UGT1A10: variants seen among roughly 807,000 people sequenced by gnomAD.
The protein encoded by UGT1A10 is UDP glucuronosyltransferase family 1 member A10.
In UGT1A10, 49 loss-of-function variants were observed where a neutral mutation model predicts 45.8. The ratio of observed to expected loss-of-function variants is 1.07; its 90% CI spans 0.85 to 1.36. The LOEUF (loss-of-function observed/expected upper bound fraction) is 1.36. Ranked by LOEUF, UGT1A10 falls within the 40% of genes most tolerant of loss-of-function variation. The pLI is 0.00. For missense variants in UGT1A10, 745 were observed against 668.6 expected, an observed-to-expected ratio of 1.11 and a Z score of -1.26; for synonymous variants, 284 against 249.7, an observed-to-expected ratio of 1.14 and a Z score of -1.29.
rs890288877 is a variant in UGT1A10, at chr2:233,747,512, C to T, written c.856-19522C>T. ...TTGTGCTGGGCCACACTCAACTGTA[C>T]TTTGAAACAGAACATTTTCTGAAGA... On this transcript the variant is annotated intron_variant, in intron 1 of 4. Transcript: ENST00000344644. The T allele has an allele frequency of 5.6e-6, 9 of 1,607,598 alleles. No homozygotes were observed. In the South Asian group the frequency reaches 8.8e-5, roughly 16 times the overall value.
chr2:233,706,700 A>G (rs934221119), intron 1 of UGT1A10, among the ~76,000 whole-genome samples: 1 of 152,156 alleles, frequency 6.6e-6, no homozygotes, highest in African/African-American at 2.4e-5. Flanking sequence ...TTGTCACTGA[A>G]AAGTCATGGA....
chr2:233,750,239 C>T (rs1187783492), intron 1 of UGT1A10, among the ~76,000 whole-genome samples: 2 of 151,854 alleles, frequency 1.3e-5, no homozygotes, highest in African/African-American at 2.4e-5. Context: ...TTATTGGGAA[C>T]TGGAACAAAG....
intron 1 of UGT1A10, among the ~76,000 whole-genome samples, chr2:233,725,221 A>G: frequency 1.1e-5 from 1 of 87,460 alleles, no homozygotes; most frequent in African/African-American, 8.3e-5. Context: ...GAGGCAGAGG[A>G]GGCAGAGGCA....
chr2:233,725,038 C>G lies in UGT1A10; in HGVS notation c.856-41996C>G, dbSNP rs1391626503. On this transcript the variant is annotated intron_variant, in intron 1 of 4. Coordinates refer to ENST00000344644, the MANE Select transcript of UGT1A10 (RefSeq NM_019075.4). ...CAGCAAAACCCGGTCTCCACCAAAA[C>G]CAGTCAGGCGTGGCGGCGCGCGCCT... Among the ~76,000 whole-genome samples, 35 of 148,320 alleles carry G rather than the reference C, an allele frequency of 2.4e-4. 2 individuals carry two copies. Among genetic ancestry groups the G allele is most frequent in the Non-Finnish European group, 4.3e-4 (29 of 67,320 alleles).
At chr2:233,718,697 C>G in intron 1 of UGT1A10, 1 of 1,595,942 alleles carries the variant, frequency 6.3e-7, no homozygotes, top group Non-Finnish European at 8.5e-7. Flanking sequence ...GAGGAGGGCA[C>G]TTTGTCTTCC....
At chr2:233,694,066 G>T (rs969432855) in intron 1 of UGT1A10, among the ~76,000 whole-genome samples, 2 of 152,190 alleles carry the variant, frequency 1.3e-5, no homozygotes, top group Non-Finnish European at 2.9e-5. Flanking sequence ...TGAAGACAGG[G>T]CTCATGCTTG....
intron 1 of UGT1A10, chr2:233,692,747 GACTTGT>G (rs1369866976): frequency 9.1e-7 from 1 of 1,095,760 alleles, no homozygotes; most frequent in Non-Finnish European, 1.2e-6. Context: ...GGGAGAAGCA[GACTTGT>G]GGAGCTGAAG....
chr2:233,689,876 C>G (rs1405417025), intron 1 of UGT1A10: 1 of 456,446 alleles, frequency 2.2e-6, no homozygotes, highest in Non-Finnish European at 4.4e-6. Context: ...TCTTGCTTAT[C>G]AAGTGCCTTA....
At position 233,759,745 on chromosome 2, in the gene UGT1A10, A is replaced by G. The variant is rs1303166455; in HGVS notation, c.856-7289A>G. Among the ~76,000 whole-genome samples the G allele has an allele frequency of 2.6e-5, 4 of 152,196 alleles. No homozygotes were observed. The East Asian group carries it at 7.7e-4, about 29-fold the overall frequency. ...CTCTGCTGCAGCCTCAAGACCCCAC[A>G]CTGTGCTGGACTCAATAAATATTGT... On this transcript the variant is annotated intron_variant, in intron 1 of 4. Transcript: ENST00000344644.
At chr2:233,723,024 G>A (rs1419392823) in intron 1 of UGT1A10, among the ~76,000 whole-genome samples, 1 of 144,364 alleles carries the variant, frequency 6.9e-6, no homozygotes, top group Non-Finnish European at 1.5e-5. Flanking sequence ...AAGGTGGAAG[G>A]GCCAGCGGGA....
At chr2:233,657,446 G>A (rs1413690014) in intron 1 of UGT1A10, among the ~76,000 whole-genome samples, 1 of 152,184 alleles carries the variant, frequency 6.6e-6, no homozygotes, top group Non-Finnish European at 1.5e-5. Context: ...AGGTGAGAAA[G>A]AAGCAAGAGA....
intron 1 of UGT1A10, among the ~76,000 whole-genome samples, chr2:233,668,533 T>C (rs2074122260): frequency 6.6e-6 from 1 of 152,222 alleles, no homozygotes; most frequent in South Asian, 2.1e-4. Flanking sequence ...CATGTGTCTT[T>C]ATAGTACCAT....
chr2:233,672,349 G>A lies in UGT1A10; in HGVS notation c.855+34972G>A, dbSNP rs760431451. ...CAAAAAATTAGTAGAATACTTAAAGGAGAGTTCTTTTGATGCAGTGTTTCT... is the reference window on the plus strand; with the variant it reads ...CAAAAAATTAGTAGAATACTTAAAGAAGAGTTCTTTTGATGCAGTGTTTCT... On this transcript the variant is annotated intron_variant, in intron 1 of 4. Transcript: ENST00000344644. 4 of 1,614,098 alleles carry A rather than the reference G, an allele frequency of 2.5e-6. No homozygotes were observed. In the South Asian group the frequency reaches 3.3e-5, roughly 13 times the overall value.
chr2:233,680,877 T>C (rs573475501), intron 1 of UGT1A10, among the ~76,000 whole-genome samples: 6 of 151,842 alleles, frequency 4.0e-5, no homozygotes, highest in Admixed American at 6.6e-5. Flanking sequence ...TGGGCAAGCA[T>C]AGGGACGGCG....
intron 1 of UGT1A10, among the ~76,000 whole-genome samples, chr2:233,685,318 CCA>C (rs1575434603): frequency 6.6e-6 from 1 of 152,224 alleles, no homozygotes; most frequent in East Asian, 1.9e-4. Context: ...CAGGTGTGAA[CCA>C]CCACACCCGG....
At chr2:233,736,824 C>G (rs1056780594) in intron 1 of UGT1A10, among the ~76,000 whole-genome samples, 5 of 152,198 alleles carry the variant, frequency 3.3e-5, no homozygotes, top group African/African-American at 1.2e-4. Flanking sequence ...TCCAGATGCT[C>G]TTTGCTTTGG....
chr2:233,669,832 C>A (rs2074146116), intron 1 of UGT1A10, among the ~76,000 whole-genome samples: 1 of 152,036 alleles, frequency 6.6e-6, no homozygotes, highest in Non-Finnish European at 1.5e-5. Flanking sequence ...TACAGGCATG[C>A]ACCACCACCT....
At chr2:233,672,731 T>C (rs749895611) in intron 1 of UGT1A10, 1 of 1,613,974 alleles carries the variant, frequency 6.2e-7, no homozygotes, top group East Asian at 2.2e-5. Context: ...AAACCCGTGA[T>C]GCCCAACATG....
chr2:233,725,276 A>AGAGGAGGCAGAGGCAGAG (rs1178808521), intron 1 of UGT1A10, among the ~76,000 whole-genome samples: 1 of 47,620 alleles, frequency 2.1e-5, no homozygotes, highest in Non-Finnish European at 4.2e-5. Flanking sequence ...AGGCAGAGGC[A>AGAGGAGGCAGAGGCAGAG]GAGGCAGAGG....
Sources: gnomAD v4.1 joint callset for allele counts (sites outside exome capture counted in the v4.1 genomes callset) on GRCh38, gnomAD v4.1.1 for gene constraint, MANE v1.5 for transcripts, NCBI Gene and HGNC (gene_info 2026-07-23, HGNC 2026-07-21) for gene names.